FAM110B: variants seen among roughly 807,000 people sequenced by gnomAD.
The protein encoded by FAM110B is protein FAM110B.
FAM110B carries 6 observed loss-of-function variants against 20.4 expected under a neutral mutation model. The observed-to-expected ratio is 0.29, with a 90% CI of 0.16 to 0.58. FAM110B has a LOEUF of 0.58. Ranked by LOEUF, FAM110B falls within the 20% of genes least tolerant of loss-of-function variation. The pLI is 0.90. For missense variants in FAM110B, 434 were observed against 498.2 expected (o/e 0.87, Z 1.23); for synonymous variants, 226 against 214.1 (o/e 1.06, Z -0.49).
intron 3 of FAM110B, among the ~76,000 whole-genome samples, chr8:58,101,612 A>G (rs1806782119): frequency 6.6e-6 from 1 of 151,932 alleles, no homozygotes; most frequent in Middle Eastern, 3.4e-3. Context: ...AAATAAACTG[A>G]AGTATTTATT....
chr8:58,091,511 C>T (rs1314803767), intron 3 of FAM110B: 1 of 152,106 alleles, frequency 6.6e-6, no homozygotes, highest in Non-Finnish European at 1.5e-5. Context: ...CTCAGGATTC[C>T]ACCTCAGAAT....
At chr8:58,114,668 G>A (rs775209259) in intron 3 of FAM110B, among the ~76,000 whole-genome samples, 5 of 152,198 alleles carry the variant, frequency 3.3e-5, no homozygotes, top group Admixed American at 6.5e-5. Flanking sequence ...CGAGCTGAAG[G>A]TACAAGGGTT....
At chr8:58,022,916 G>A (rs565281360) in intron 1 of FAM110B, among the ~76,000 whole-genome samples, 5 of 152,274 alleles carry the variant, frequency 3.3e-5, no homozygotes, top group Middle Eastern at 3.4e-3. Context: ...CCCTGCCCTC[G>A]CAGGTGATGA....
chr8:58,147,467 A>C lies in FAM110B; in HGVS notation c.*124A>C. ...TGTTGCTTGTTGTGCAATGTTTTCA[A>C]GTTGCATGCTTGTCAACATGGGGAC... On this transcript the variant is annotated 3_prime_UTR_variant, in exon 4 of 4. Transcript: ENST00000519262. 1 of 1,217,164 alleles carries C rather than the reference A, an allele frequency of 8.2e-7. No homozygotes were observed. The highest frequency in any genetic ancestry group is 1.6e-5 in the South Asian group (1 of 64,308). 75.4% of individuals were successfully genotyped at this position (1,217,164 alleles called of 1,614,324 possible). A position where few individuals can be genotyped will look rare whatever the true frequency, so the allele number is the denominator to read the frequency against.
intron 2 of FAM110B, among the ~76,000 whole-genome samples, chr8:58,036,846 G>A (rs1805083473): frequency 6.6e-6 from 1 of 152,182 alleles, no homozygotes; most frequent in African/African-American, 2.4e-5. Flanking sequence ...ATATGTAGTA[G>A]TATACAGTTC....
At chr8:58,103,452 T>C (rs979482339) in intron 3 of FAM110B, among the ~76,000 whole-genome samples, 6 of 152,126 alleles carry the variant, frequency 3.9e-5, no homozygotes, top group Admixed American at 1.3e-4. Context: ...GATAGTTTAC[T>C]GAGAATGATG....
rs1803865304 is a variant in FAM110B, at chr8:58,146,443, G to A, written c.213G>A (p.Lys71=). 2 of 1,613,666 alleles carry A rather than the reference G, an allele frequency of 1.2e-6. No individual in the cohort carries two copies. Among genetic ancestry groups the A allele is most frequent in the Non-Finnish European group, 1.7e-6 (2 of 1,179,726 alleles). The change falls in exon 4 of 4, where the codon AAG becomes AAA. Residue 71 remains lysine (K), a synonymous_variant. Transcript: ENST00000519262. ...AGAGCCAGGAGGTGATCAACGCCAA[G>A]CAGGAGCCCGTGAAGCCCGCCGTGC... ...YVKSQEVINA[K]QEPVKPAVLA...
intron 2 of FAM110B, among the ~76,000 whole-genome samples, chr8:58,063,300 A>G (rs868071206): frequency 5.3e-5 from 8 of 152,232 alleles, no homozygotes; most frequent in Admixed American, 1.3e-4. Context: ...TAGTAATGAC[A>G]TAGTAGAAAA....
intron 3 of FAM110B, among the ~76,000 whole-genome samples, chr8:58,085,280 G>A (rs963312736): frequency 6.6e-6 from 1 of 152,126 alleles, no homozygotes; most frequent in African/African-American, 2.4e-5. Context: ...CAGGAGTCCG[G>A]GGCAGGCAGA....
rs527962403 is a variant in FAM110B at position 58,132,278 on chromosome 8, G to A, written c.-324-13629G>A. ...CAGCACAGCAAGTACTCCTAACCGCGGCTTCTCCCTGTAGTAGGTACACAC... is the reference window on the plus strand; with the variant it reads ...CAGCACAGCAAGTACTCCTAACCGCAGCTTCTCCCTGTAGTAGGTACACAC... On this transcript the variant is annotated intron_variant, in intron 3 of 3. Coordinates refer to ENST00000519262, the MANE Select transcript of FAM110B (RefSeq NM_001377989.1). Among the ~76,000 whole-genome samples the A allele has an allele frequency of 1.0e-3, 153 of 152,146 alleles. 2 individuals are homozygous for A. Among genetic ancestry groups the A allele is most frequent in the African/African-American group, 3.5e-3 (145 of 41,510 alleles).
intron 3 of FAM110B, among the ~76,000 whole-genome samples, chr8:58,143,850 G>A (rs1196026501): frequency 2.6e-5 from 4 of 152,190 alleles, no homozygotes; most frequent in Non-Finnish European, 5.9e-5. Flanking sequence ...GCCTGCATGA[G>A]GAGGAATGTT....
At chr8:58,112,329 TTAAAAA>T (rs1807079543) in intron 3 of FAM110B, among the ~76,000 whole-genome samples, 1 of 152,160 alleles carries the variant, frequency 6.6e-6, no homozygotes, top group Non-Finnish European at 1.5e-5. Flanking sequence ...ACTCCGTTTC[TTAAAAA>T]TAAAAATAAA....
intron 2 of FAM110B, among the ~76,000 whole-genome samples, chr8:58,060,342 G>A (rs1805629893): frequency 6.6e-6 from 1 of 152,122 alleles, no homozygotes; most frequent in Admixed American, 6.6e-5. Context: ...TGAAAAATTT[G>A]GTGCAGTACA....
chr8:58,125,064 G>T (rs1369962591), intron 3 of FAM110B, among the ~76,000 whole-genome samples: 2 of 152,104 alleles, frequency 1.3e-5, no homozygotes, highest in Admixed American at 6.6e-5. Context: ...AAATATTATT[G>T]AGGCCAGGTG....
At chr8:58,089,757 T>G (rs763024259) in intron 3 of FAM110B, among the ~76,000 whole-genome samples, 10 of 152,222 alleles carry the variant, frequency 6.6e-5, no homozygotes, top group Non-Finnish European at 1.3e-4. Context: ...CTCTTATTTA[T>G]TTTTGATCAG....
intron 1 of FAM110B, among the ~76,000 whole-genome samples, chr8:58,028,478 T>A (rs138594021): frequency 6.6e-6 from 1 of 152,350 alleles, no homozygotes; most frequent in East Asian, 1.9e-4. Context: ...ATTAAGGTTT[T>A]GTTTTGCATT....
Position 58,146,826 on chromosome 8 carries a change from G to C in FAM110B, c.596G>C (p.Ser199Thr). ...GAGTCCTTCCTCCACGTGTCCCACA[G>C]CTCTTCGGACATCCGCAAGGTGACC... is the stretch of plus-strand genomic sequence containing the variant. ...SAESFLHVSH[S>T]SSDIRKVTSV... Residue 199 changes from serine (S) to threonine (T), a missense_variant, in exon 4 of 4, where the codon AGC becomes ACC. Around this residue, in one of 3 missense-constraint regions of FAM110B, gnomAD observed 284 missense variants for 278.3 expected, o/e 1.02. Coordinates refer to ENST00000519262, the MANE Select transcript of FAM110B (RefSeq NM_001377989.1). 1.9e-6 allele frequency: 3 copies of C among 1,611,782 alleles called. No individual in the cohort carries two copies. The highest frequency in any genetic ancestry group is 1.7e-6 in the Non-Finnish European group (2 of 1,178,576).
intron 1 of FAM110B, among the ~76,000 whole-genome samples, chr8:58,003,119 G>A (rs777142370): frequency 3.3e-5 from 5 of 152,188 alleles, no homozygotes; most frequent in Admixed American, 1.3e-4. Context: ...AGTGTTTAGA[G>A]CATCTTCAGC....
At chr8:58,089,439 TG>T (rs1438763166) in intron 3 of FAM110B, among the ~76,000 whole-genome samples, 3 of 152,216 alleles carry the variant, frequency 2.0e-5, no homozygotes, top group African/African-American at 7.2e-5. Flanking sequence ...CACAAAAAGA[TG>T]TAATAGAATC....
Sources: gnomAD v4.1 joint callset for allele counts (sites outside exome capture counted in the v4.1 genomes callset) on GRCh38, gnomAD v4.1.1 for gene constraint, gnomAD v4.1.1 regional missense constraint, MANE v1.5 for transcripts, NCBI Gene and HGNC (gene_info 2026-07-23, HGNC 2026-07-21) for gene names.